The following KALRN variants were observed in gnomAD, a reference collection of about 807,000 sequenced individuals.
The protein encoded by KALRN is kalirin.
KALRN carries 70 observed loss-of-function variants against 353.7 expected under a neutral mutation model. The observed-to-expected ratio is 0.20, with a 90% CI of 0.16 to 0.24. KALRN has a LOEUF of 0.24. Among genes scored for constraint, KALRN ranks in the 10% least tolerant of loss-of-function variants. The pLI, the probability that KALRN is intolerant of heterozygous loss-of-function variation, is 1.00. For synonymous variants in KALRN, 1,391 were observed against 1,434.8 expected, an observed-to-expected ratio of 0.97 and a Z score of 0.69; for missense variants, 2,791 against 3,756.7, an observed-to-expected ratio of 0.74 and a Z score of 6.72.
chr3:124,305,164 T>TA (rs1399251219), intron 6 of KALRN, among the ~76,000 whole-genome samples: 1 of 151,990 alleles, frequency 6.6e-6, no homozygotes, highest in African/African-American at 2.4e-5. Context: ...AAACAAACTG[T>TA]AAAAAAAGAA....
rs183469328 is a variant in KALRN at position 124,330,198 on chromosome 3, A to G, written c.1416+206A>G. ...GGAAGCAGAAAAAATTGGGGCCATT[A>G]TTAGGCACCACTTTGGTGCACTCGC... On this transcript the variant is annotated intron_variant, in intron 8 of 59. Transcript: ENST00000682506. 9.9e-4 allele frequency among the ~76,000 whole-genome samples: 149 copies of G among 150,630 alleles called. 2 individuals are homozygous for G. The South Asian group carries it at 0.011, about 11-fold the overall frequency.
intron 6 of KALRN, among the ~76,000 whole-genome samples, chr3:124,317,910 C>A (rs2149350347): frequency 6.6e-6 from 1 of 152,160 alleles, no homozygotes; most frequent in African/African-American, 2.4e-5. Flanking sequence ...GAATCTGATT[C>A]CAGCTGTACC....
intron 1 of KALRN, among the ~76,000 whole-genome samples, chr3:124,106,718 C>G (rs148459005): frequency 7.9e-5 from 12 of 152,144 alleles, no homozygotes; most frequent in African/African-American, 2.9e-4. Flanking sequence ...TGATTTTACT[C>G]CCCAAAGTCA....
At chr3:124,231,622 A>G (rs778242616) in intron 2 of KALRN, among the ~76,000 whole-genome samples, 2 of 152,212 alleles carry the variant, frequency 1.3e-5, no homozygotes, top group African/African-American at 4.8e-5. Flanking sequence ...AATGCTGGAC[A>G]TTCTAGCTCT....
chr3:124,097,041 C>T (rs1241451499), intron 1 of KALRN, among the ~76,000 whole-genome samples: 2 of 152,190 alleles, frequency 1.3e-5, no homozygotes, highest in Non-Finnish European at 2.9e-5. Flanking sequence ...TGTAGGGTGT[C>T]TGATTTCCAG....
At chr3:124,128,567 C>G (rs887675837) in intron 1 of KALRN, among the ~76,000 whole-genome samples, 2 of 151,866 alleles carry the variant, frequency 1.3e-5, no homozygotes, top group African/African-American at 2.4e-5. Flanking sequence ...TCTGAGTTGA[C>G]AATACAGGGA....
At chr3:124,057,233 C>T (rs2041632249) in intron 1 of KALRN, among the ~76,000 whole-genome samples, 1 of 152,138 alleles carries the variant, frequency 6.6e-6, no homozygotes, top group East Asian at 1.9e-4. Flanking sequence ...CATACCGCCC[C>T]CACTTTTGCC....
chr3:124,074,019 G>A (rs912903738), intron 1 of KALRN, among the ~76,000 whole-genome samples: 5 of 152,052 alleles, frequency 3.3e-5, no homozygotes, highest in Admixed American at 1.3e-4. Flanking sequence ...GGATAGCAGA[G>A]ATAGAGCAAA....
At position 124,612,739 on chromosome 3, in the gene KALRN, G is replaced by C. The variant is rs147621964; in HGVS notation, c.5183-19681G>C. Among the ~76,000 whole-genome samples, 16 of 152,298 alleles carry C rather than the reference G, an allele frequency of 1.1e-4. No homozygotes were observed. The East Asian group carries it at 2.7e-3, about 26-fold the overall frequency. On this transcript the variant is annotated intron_variant, in intron 34 of 59. Transcript: ENST00000682506. Reference sequence around the variant, plus strand: ...CTCTCTACCCTAACTAGAATGACAAGTTTCTAATTTCAGCGACTTTGTCTG... The same window carrying C: ...CTCTCTACCCTAACTAGAATGACAACTTTCTAATTTCAGCGACTTTGTCTG...
intron 1 of KALRN, among the ~76,000 whole-genome samples, chr3:124,171,110 C>G (rs2071756352): frequency 6.6e-6 from 1 of 152,092 alleles, no homozygotes; most frequent in Admixed American, 6.5e-5. Context: ...AGCAACCTCA[C>G]CTGGCCCATT....
intron 59 of KALRN, among the ~76,000 whole-genome samples, chr3:124,718,265 C>T (rs984196109): frequency 3.3e-5 from 5 of 151,776 alleles, no homozygotes; most frequent in Non-Finnish European, 7.4e-5. Flanking sequence ...GGATTACAGG[C>T]GCCCACCACC....
At chr3:124,254,653 G>A (rs2071667333) in intron 3 of KALRN, among the ~76,000 whole-genome samples, 1 of 152,138 alleles carries the variant, frequency 6.6e-6, no homozygotes, top group African/African-American at 2.4e-5. Flanking sequence ...AGCCTCATGT[G>A]TTCGGTAAGT....
chr3:124,371,981 C>G (rs887451049), intron 10 of KALRN, among the ~76,000 whole-genome samples: 2 of 152,162 alleles, frequency 1.3e-5, no homozygotes, highest in Admixed American at 6.5e-5. Flanking sequence ...TCCATCTACT[C>G]TCTATGTCCC....
At chr3:124,286,604 C>A (rs2075934719) in intron 5 of KALRN, among the ~76,000 whole-genome samples, 1 of 152,182 alleles carries the variant, frequency 6.6e-6, no homozygotes, top group South Asian at 2.1e-4. Context: ...CTGCTTGCTG[C>A]TGCATCTATT....
chr3:124,211,796 A>C (rs1446247073), intron 1 of KALRN, among the ~76,000 whole-genome samples: 5 of 152,156 alleles, frequency 3.3e-5, no homozygotes, highest in Non-Finnish European at 5.9e-5. Context: ...GTGGCAACAC[A>C]AGTGGAGAGG....
At chr3:124,035,091 G>C (rs975796952) in intron 1 of KALRN, among the ~76,000 whole-genome samples, 2 of 152,134 alleles carry the variant, frequency 1.3e-5, no homozygotes, top group Non-Finnish European at 2.9e-5. Flanking sequence ...ACAGGAGCTG[G>C]TGCCAGGGTC....
intron 54 of KALRN, 99 bp downstream of exon 54, chr3:124,696,354 T>C (rs2062050088): frequency 1.7e-6 from 2 of 1,175,030 alleles, no homozygotes; most frequent in Admixed American, 4.4e-5. Context: ...CATGGCAGCC[T>C]TGACCTCCCA....
intron 33 of KALRN, among the ~76,000 whole-genome samples, chr3:124,502,421 G>A (rs2064699682): frequency 6.6e-6 from 1 of 152,214 alleles, no homozygotes; most frequent in South Asian, 2.1e-4. Flanking sequence ...ACAGGCACAA[G>A]AGCTGGGACA....
At chr3:124,677,881 A>G (rs1002697821) in intron 49 of KALRN, among the ~76,000 whole-genome samples, 5 of 152,208 alleles carry the variant, frequency 3.3e-5, no homozygotes, top group African/African-American at 1.2e-4. Flanking sequence ...CAGTCCTGTG[A>G]GGCATCATGG....
Sources: allele counts gnomAD v4.1 joint callset (sites outside exome capture counted in the v4.1 genomes callset), GRCh38; gene constraint gnomAD v4.1.1; transcripts MANE v1.5; gene names NCBI Gene and HGNC (gene_info 2026-07-23, HGNC 2026-07-21).